Variants in TXLNB observed in about 807,000 individuals in gnomAD.
TXLNB encodes the protein taxilin beta, also known as beta-taxilin.
A neutral mutation model predicts 57.4 loss-of-function variants in TXLNB; 37 were observed. That is an observed-to-expected ratio of 0.64 (90% CI 0.50 to 0.85). TXLNB has a LOEUF of 0.85. Among genes scored for constraint, TXLNB ranks in the 40% least tolerant of loss-of-function variants. The pLI, the probability that TXLNB is intolerant of heterozygous loss-of-function variation, is 0.00. For missense variants in TXLNB, 848 were observed against 825.6 expected, an observed-to-expected ratio of 1.03 and a Z score of -0.33; for synonymous variants, 302 against 309.6, an observed-to-expected ratio of 0.98 and a Z score of 0.26.
the TXLNB span, among the ~76,000 whole-genome samples, chr6:139,190,309 C>CT: frequency 0.17 from 19,428 of 114,740 alleles, 2,427 homozygotes; most frequent in East Asian, 0.61. Context: ...TTCTTTCTTT[C>CT]TTTTTTTTTT....
the TXLNB span, chr6:139,178,096 A>G: frequency 6.6e-6 from 1 of 152,256 alleles, no homozygotes; most frequent in East Asian, 1.9e-4. Context: ...GGGAAGGGAA[A>G]AAAGTGTGAA....
the TXLNB span, chr6:139,159,237 A>G: frequency 6.6e-6 from 1 of 152,206 alleles, no homozygotes; most frequent in Admixed American, 6.5e-5. Context: ...CATCTCCCAC[A>G]GTCTGGAGTC....
intron 9 of TXLNB, 115 bp from the exon 10 acceptor site, chr6:139,243,429 A>G: frequency 9.1e-7 from 1 of 1,104,928 alleles, no homozygotes; most frequent in Non-Finnish European, 1.3e-6. Context: ...TTTGTCTACT[A>G]GGCTCTGGGA....
chr6:139,228,748 G>A, the TXLNB span, among the ~76,000 whole-genome samples: 10 of 152,088 alleles, frequency 6.6e-5, no homozygotes, highest in African/African-American at 2.2e-4. Flanking sequence ...ACACGTGGGC[G>A]AGCACACTGG....
At chr6:139,191,993 CCT>C in the TXLNB span, among the ~76,000 whole-genome samples, 1 of 152,142 alleles carries the variant, frequency 6.6e-6, no homozygotes, top group African/African-American at 2.4e-5. Flanking sequence ...TTTTTAATAA[CCT>C]AATATTAATG....
the TXLNB span, among the ~76,000 whole-genome samples, chr6:139,199,183 TGTTA>T: frequency 6.6e-6 from 1 of 152,278 alleles, no homozygotes; most frequent in East Asian, 1.9e-4. Flanking sequence ...ATGATCATAT[TGTTA>T]GTAAGATCTT....
intron 2 of TXLNB, among the ~76,000 whole-genome samples, chr6:139,286,686 T>C (rs1441944798): frequency 3.9e-5 from 6 of 152,176 alleles, no homozygotes. Flanking sequence ...TCACTCACAT[T>C]ACCACCTGAG....
the TXLNB span, among the ~76,000 whole-genome samples, chr6:139,299,789 CA>C: frequency 6.6e-6 from 1 of 151,926 alleles, no homozygotes; most frequent in East Asian, 1.9e-4. Context: ...TGTCTAGAGC[CA>C]CCCTGATCTG....
chr6:139,263,281 T>A (rs1448365943), intron 4 of TXLNB, among the ~76,000 whole-genome samples: 1 of 152,188 alleles, frequency 6.6e-6, no homozygotes, highest in Non-Finnish European at 1.5e-5. Context: ...AAATTTTCTA[T>A]TTGTGAGAAA....
chr6:139,208,031 G>T, the TXLNB span, among the ~76,000 whole-genome samples: 1 of 151,878 alleles, frequency 6.6e-6, no homozygotes. Context: ...AGCCGAGATC[G>T]CACCACTGCA....
the TXLNB span, among the ~76,000 whole-genome samples, chr6:139,222,366 T>C: frequency 6.6e-6 from 1 of 152,212 alleles, no homozygotes; most frequent in Non-Finnish European, 1.5e-5. Flanking sequence ...TCACACAAAG[T>C]GGATTTTAAG....
chr6:139,232,696 G>A, the TXLNB span, among the ~76,000 whole-genome samples: 1 of 152,172 alleles, frequency 6.6e-6, no homozygotes, highest in Non-Finnish European at 1.5e-5. Flanking sequence ...ACCACTAACT[G>A]TCTCATCAAT....
At chr6:139,168,173 C>G in the TXLNB span, among the ~76,000 whole-genome samples, 9 of 152,186 alleles carry the variant, frequency 5.9e-5, no homozygotes, top group Non-Finnish European at 8.8e-5. Flanking sequence ...ATACTGCTGT[C>G]TTCATTCTCC....
chr6:139,225,522 A>G, the TXLNB span, among the ~76,000 whole-genome samples: 1 of 152,206 alleles, frequency 6.6e-6, no homozygotes, highest in Admixed American at 6.5e-5. Flanking sequence ...ATTTTTGTAT[A>G]TCGGCAGCAA....
At chr6:139,323,829 CT>C in the TXLNB span, among the ~76,000 whole-genome samples, 2 of 152,206 alleles carry the variant, frequency 1.3e-5, no homozygotes, top group Non-Finnish European at 2.9e-5. Flanking sequence ...TCCCCTACAT[CT>C]GATGGCTCGG....
In TXLNB at chr6:139,283,435, G is replaced by C. The variant is rs996442010; in HGVS notation, c.424+5041C>G. Among the ~76,000 whole-genome samples the C allele has an allele frequency of 4.1e-5, 6 of 144,796 alleles. 1 individual carries two copies. The highest frequency in any genetic ancestry group is 7.7e-5 in the Non-Finnish European group (5 of 65,248). 95.0% of individuals were successfully genotyped at this position (144,796 alleles called of 152,430 possible). ...CTACTAAAAATACAAAATTAGCCGG[G>C]AGTGGTGGCACATGCCTGTAATCCC... On this transcript the variant is annotated intron_variant, in intron 2 of 9. Transcript: ENST00000358430.
the TXLNB span, among the ~76,000 whole-genome samples, chr6:139,172,510 T>C: frequency 6.6e-6 from 1 of 152,260 alleles, no homozygotes; most frequent in Non-Finnish European, 1.5e-5. Flanking sequence ...TTATTAAGAT[T>C]GATCTAATTA....
At chr6:139,270,379 C>G (rs1776727131) in intron 4 of TXLNB, 77 bp downstream of exon 4, 2 of 1,388,890 alleles carry the variant, frequency 1.4e-6, no homozygotes, top group Non-Finnish European at 2.0e-6. Context: ...AAAATTCACA[C>G]TCTTTCCATG....
the TXLNB span, among the ~76,000 whole-genome samples, chr6:139,196,096 G>T: frequency 1.3e-5 from 2 of 151,936 alleles, no homozygotes; most frequent in Non-Finnish European, 2.9e-5. Flanking sequence ...TTTTCTTTGG[G>T]GAGGAAAGGG....
Sources: gnomAD v4.1 joint callset for allele counts (sites outside exome capture counted in the v4.1 genomes callset) on GRCh38, gnomAD v4.1.1 for gene constraint, MANE v1.5 for transcripts, NCBI Gene and HGNC (gene_info 2026-07-23, HGNC 2026-07-21) for gene names.